Variants in NIN observed in about 807,000 individuals in gnomAD.
The protein encoded by NIN is glycogen synthase kinase 3 beta-interacting protein.
A neutral mutation model predicts 257.6 loss-of-function variants in NIN; 137 were observed. The ratio of observed to expected loss-of-function variants is 0.53; its 90% confidence interval spans 0.46 to 0.61. The LOEUF (loss-of-function observed/expected upper bound fraction) is 0.61, where lower values mean the gene tolerates loss of function less well. Ranked by LOEUF, NIN falls within the 20% of genes least tolerant of loss-of-function variation. The pLI is 0.00. For synonymous variants in NIN, 918 were observed against 919.8 expected (o/e 1.00, Z 0.04); for missense variants, 2,439 against 2,501.2 (o/e 0.98, Z 0.53).
At chr14:50,761,641 G>A in intron 16 of NIN, 149 bp downstream of exon 16, 1 of 735,850 alleles carries the variant, frequency 1.4e-6, no homozygotes, top group Non-Finnish European at 2.2e-6. Context: ...AAGGGGCCTT[G>A]CTGTCAGCCT....
intron 27 of NIN, 150 bp downstream of exon 27, chr14:50,737,990 T>C (rs1017059943): frequency 2.6e-6 from 2 of 779,670 alleles, no homozygotes; most frequent in East Asian, 2.6e-5. Flanking sequence ...AGAACCACGA[T>C]GCTATTTTGA....
intron 3 of NIN, among the ~76,000 whole-genome samples, chr14:50,815,036 C>A (rs1230979032): frequency 6.6e-6 from 1 of 152,160 alleles, no homozygotes. Flanking sequence ...CAAAAATTGA[C>A]AAATGAGATC....
chr14:50,799,650 T>A (rs1393734315), intron 4 of NIN, among the ~76,000 whole-genome samples: 1 of 152,190 alleles, frequency 6.6e-6, no homozygotes, highest in African/African-American at 2.4e-5. Flanking sequence ...AAAACCGTCA[T>A]CCTCATGTCC....
Position 50,744,296 on chromosome 14 carries a change from G to C in NIN, c.5134C>G (p.Leu1712Val). ...CTCAGAGCTTCCTTTTCTTTCAGCA[G>C]TTTTTCGTTGTAGCTTAGAACACTA... Reference protein sequence around the residue: ...ISSVLSYNEKLLKEKEALSEE... With the variant: ...ISSVLSYNEKVLKEKEALSEE... The change falls in exon 23 of 31, where the codon CTG (leucine) becomes GTG (valine). Residue 1712 changes from leucine to valine, a missense_variant. Around this residue, in one of 3 missense-constraint regions of NIN, gnomAD observed 2,043 missense variants for 2,050.2 expected, o/e 1.00. Transcript: ENST00000530997. The C allele has an allele frequency of 6.2e-7, 1 of 1,614,098 alleles. No homozygotes were observed. Among genetic ancestry groups the C allele is most frequent in the South Asian group, 1.1e-5 (1 of 91,076 alleles).
intron 5 of NIN, among the ~76,000 whole-genome samples, chr14:50,782,623 ATTTTC>A (rs2043180585): frequency 6.6e-6 from 1 of 152,190 alleles, no homozygotes; most frequent in African/African-American, 2.4e-5. Flanking sequence ...ATGGGAAACA[ATTTTC>A]TTTTATTATT....
chr14:50,742,241 C>A (rs200404077), intron 24 of NIN: 1 of 152,086 alleles, frequency 6.6e-6, no homozygotes, highest in African/African-American at 2.4e-5. Flanking sequence ...TGGCAAGACC[C>A]CCCATCTCTA....
chr14:50,804,008 G>A (rs2044212912), intron 4 of NIN, among the ~76,000 whole-genome samples: 1 of 151,226 alleles, frequency 6.6e-6, no homozygotes. Flanking sequence ...CAATTCTCCT[G>A]CATCAGCCTT....
At position 50,729,734 on chromosome 14, in the gene NIN, A is replaced by G; in HGVS notation, c.5878-11T>C. On this transcript the variant is annotated splice_polypyrimidine_tract_variant and intron_variant, in intron 28 of 30. Transcript: ENST00000530997. Reference sequence around the variant, plus strand: ...CCTCAGGTGCTGCATCTGAAGGACAAGGGCAAAGCCCTGTTCAGCTGAGTC... The same window carrying G: ...CCTCAGGTGCTGCATCTGAAGGACAGGGGCAAAGCCCTGTTCAGCTGAGTC... 1.9e-6 allele frequency: 3 copies of G among 1,585,292 alleles called. No homozygotes were observed. The highest frequency in any genetic ancestry group is 1.2e-5 in the South Asian group (1 of 86,326).
At chr14:50,765,083 A>G (rs988571897) in intron 14 of NIN, among the ~76,000 whole-genome samples, 3 of 150,350 alleles carry the variant, frequency 2.0e-5, no homozygotes, top group African/African-American at 7.3e-5. Context: ...AAAAAAAAAA[A>G]AAAAAAAAAT....
chr14:50,739,282 C>T, intron 26 of NIN, 26 bp downstream of exon 26: 3 of 1,608,136 alleles, frequency 1.9e-6, no homozygotes, highest in Non-Finnish European at 2.6e-6. Flanking sequence ...CAAACATATG[C>T]CATGATGTGC....
chr14:50,810,405 A>C (rs1418620386), intron 3 of NIN, among the ~76,000 whole-genome samples: 2 of 152,100 alleles, frequency 1.3e-5, no homozygotes, highest in Non-Finnish European at 2.9e-5. Context: ...AATTATTAAC[A>C]TATTAGCCAG....
chr14:50,788,438 G>A (rs1410667939), intron 5 of NIN, among the ~76,000 whole-genome samples: 1 of 152,220 alleles, frequency 6.6e-6, no homozygotes, highest in African/African-American at 2.4e-5. Flanking sequence ...GTTTTCTTGA[G>A]TGGGAGATGA....
chr14:50,752,535 C>A lies in NIN; in HGVS notation c.4933G>T (p.Glu1645Ter). The change falls in exon 21 of 31, where the codon GAA becomes TAA. Residue 1645 changes from glutamate to a stop codon, truncating the protein, a stop_gained. Transcript: ENST00000530997. LOFTEE classifies it high-confidence loss of function. ...GGCCATACCTGCACTTTACAACGTT[C>A]CAGTTCTTCTTTCAGATTAAACTTC... ...QEKFNLKEELERCKVQSSTLV... is the reference protein window; with the variant it reads ...QEKFNLKEEL 1 of 1,613,816 alleles carries A rather than the reference C, an allele frequency of 6.2e-7. No individual in the cohort carries two copies. The highest frequency in any genetic ancestry group is 1.1e-5 in the South Asian group (1 of 91,012).
At chr14:50,738,324 C>A (rs917043423) in intron 26 of NIN, 38 bp from the exon 27 acceptor site, 7 of 1,590,162 alleles carry the variant, frequency 4.4e-6, no homozygotes, top group Non-Finnish European at 5.1e-6. Context: ...AATGCTAATA[C>A]AATCACCCAG....
chr14:50,758,133 C>A lies in NIN; in HGVS notation c.2897G>T (p.Ser966Ile), dbSNP rs758493043. 2 of 1,614,206 alleles carry A rather than the reference C, an allele frequency of 1.2e-6. No homozygotes were observed. The highest frequency in any genetic ancestry group is 2.2e-5 in the South Asian group (2 of 91,078). The change falls in exon 18 of 31, where the codon AGC becomes ATC. Residue 966 changes from serine (S) to isoleucine (I), a missense_variant. Around this residue, in one of 3 missense-constraint regions of NIN, gnomAD observed 2,043 missense variants for 2,050.2 expected, o/e 1.00. Coordinates refer to ENST00000530997, the MANE Select transcript of NIN (RefSeq NM_020921.4). ...CATTTCTAGTCTTTCCAGCCGCTGGCTGGCCAGCTGCTCCGAAGCCCCTGC... is the reference window on the plus strand; with the variant it reads ...CATTTCTAGTCTTTCCAGCCGCTGGATGGCCAGCTGCTCCGAAGCCCCTGC... ...CQAGASEQLA[S>I]QRLERLEMEH...
rs35122434 is a variant in NIN at position 50,729,269 on chromosome 14, T to TA, written c.6078+253dup. On this transcript the variant is annotated intron_variant, in intron 29 of 30. Coordinates refer to ENST00000530997, the MANE Select transcript of NIN (RefSeq NM_020921.4). ...ATTGTGATTTTGTTTTTTTTTTTTT[T>TA]AATTTAAGAGATGGAGTCTTGCTAT... Among the ~76,000 whole-genome samples the TA allele has an allele frequency of 0.25, 37,121 of 150,498 alleles. 4,878 individuals carry two copies. Among genetic ancestry groups the TA allele is most frequent in the Middle Eastern group, 0.33 (95 of 288 alleles).
chr14:50,769,282 CCCAGATCTAAA>C (rs933180362), intron 12 of NIN, among the ~76,000 whole-genome samples: 18 of 152,092 alleles, frequency 1.2e-4, no homozygotes, highest in African/African-American at 4.1e-4. Context: ...AGTGGTGGTA[CCCAGATCTAAA>C]CCAGGCAGCC....
chr14:50,828,691 C>T (rs148881364), intron 2 of NIN, among the ~76,000 whole-genome samples: 18 of 152,246 alleles, frequency 1.2e-4, no homozygotes, highest in African/African-American at 4.3e-4. Flanking sequence ...AAAATGGAAG[C>T]ATCAAGATAG....
intron 27 of NIN, among the ~76,000 whole-genome samples, chr14:50,737,598 T>C (rs1462960749): frequency 4.7e-5 from 7 of 149,360 alleles, no homozygotes; most frequent in African/African-American, 7.4e-5. Flanking sequence ...CTAATAAAGA[T>C]GATTAATTGC....
Sources: gnomAD v4.1 joint callset for allele counts (sites outside exome capture counted in the v4.1 genomes callset) on GRCh38, gnomAD v4.1.1 for gene constraint, gnomAD v4.1.1 regional missense constraint, MANE v1.5 for transcripts, NCBI Gene and HGNC (gene_info 2026-07-23, HGNC 2026-07-21) for gene names.